The following CREB5 variants were observed in gnomAD, a reference collection of about 807,000 sequenced individuals.
CREB5 encodes cyclic AMP-responsive element-binding protein 5.
In CREB5, 19 loss-of-function variants were observed where a neutral mutation model predicts 57.1. The observed-to-expected ratio is 0.33, with a 90% CI of 0.23 to 0.49. CREB5 has a LOEUF of 0.49. Ranked by LOEUF, CREB5 falls within the 20% of genes least tolerant of loss-of-function variation. CREB5 has a pLI of 0.99. For missense variants in CREB5, 579 were observed against 671.6 expected (o/e 0.86, Z 1.52); for synonymous variants, 238 against 238.3 (o/e 1.00, Z 0.01).
chr7:28,321,654 A>G (rs995406753), intron 1 of CREB5, among the ~76,000 whole-genome samples: 4 of 152,192 alleles, frequency 2.6e-5, no homozygotes, highest in African/African-American at 9.6e-5. Flanking sequence ...GGGGCAGGAG[A>G]GGGTTGGCAG....
chr7:28,734,206 CAAAAAAAAAA>C (rs61403862), intron 7 of CREB5, among the ~76,000 whole-genome samples: 12 of 96,434 alleles, frequency 1.2e-4, no homozygotes, highest in East Asian at 8.2e-4. Flanking sequence ...TTCAGTAGTT[CAAAAAAAAAA>C]AAAAAAAAAA....
intron 5 of CREB5, among the ~76,000 whole-genome samples, chr7:28,647,372 T>A (rs548536430): frequency 6.6e-6 from 1 of 151,934 alleles, no homozygotes; most frequent in African/African-American, 2.4e-5. Context: ...TCAACAGAAA[T>A]TCCCCCCAAA....
rs73301120 is a variant in CREB5, at chr7:28,535,307, A to G, written c.291+27570A>G. On this transcript the variant is annotated intron_variant, in intron 4 of 10. Coordinates refer to ENST00000357727, the MANE Select transcript of CREB5 (RefSeq NM_182898.4). ...TGGTTAAACCAATTTCTTTAGGAAAAGTGAAAGGAGGGAGGGAGGGAGGGA... is the reference window on the plus strand; with the variant it reads ...TGGTTAAACCAATTTCTTTAGGAAAGGTGAAAGGAGGGAGGGAGGGAGGGA... Among the ~76,000 whole-genome samples, 1,087 of 127,838 alleles carry G rather than the reference A, an allele frequency of 8.5e-3. 115 individuals carry two copies. The highest frequency in any genetic ancestry group is 0.029 in the African/African-American group (1,055 of 35,850). 83.9% of individuals were successfully genotyped at this position (127,838 alleles called of 152,430 possible).
upstream of CREB5, among the ~76,000 whole-genome samples, chr7:28,411,849 G>A (rs905731684): frequency 5.3e-5 from 8 of 152,110 alleles, no homozygotes; most frequent in African/African-American, 1.9e-4. Flanking sequence ...GTCTGTGGCA[G>A]GATTTAGTAT....
intron 7 of CREB5, among the ~76,000 whole-genome samples, chr7:28,790,459 AGATAGAGAGAGAGAG>A: frequency 2.8e-5 from 1 of 35,560 alleles, no homozygotes; most frequent in Non-Finnish European, 6.6e-5. Flanking sequence ...AGAGAGAGAG[AGATAGAGAGAGAGAG>A]AAAGAAAGAA....
chr7:28,672,386 G>C (rs1005012536), intron 5 of CREB5, among the ~76,000 whole-genome samples: 19 of 152,078 alleles, frequency 1.2e-4, no homozygotes, highest in African/African-American at 4.6e-4. Flanking sequence ...ATTGTGGCTA[G>C]AGTCCCTATT....
chr7:28,562,318 A>G (rs1310278456), intron 4 of CREB5, among the ~76,000 whole-genome samples: 1 of 152,266 alleles, frequency 6.6e-6, no homozygotes, highest in Non-Finnish European at 1.5e-5. Context: ...ACTGTTTCTC[A>G]CAGTCAAGGG....
intron 5 of CREB5, among the ~76,000 whole-genome samples, chr7:28,694,408 A>G (rs1210420157): frequency 2.0e-5 from 3 of 151,920 alleles, no homozygotes; most frequent in Non-Finnish European, 4.4e-5. Context: ...AGTTCAGTAC[A>G]TGGCTGCTTT....
chr7:28,507,672 A>C lies in CREB5; in HGVS notation c.226A>C (p.Ser76Arg). ...LKNCEEVGLF[S>R]ELDCSLEHEF... ...GAACTGCGAGGAGGTGGGCCTCTTC[A>C]GCGAGCTGGACTGCTCCCTGGAGCA... The change falls in exon 4 of 11, where the codon AGC (serine) becomes CGC (arginine). Residue 76 changes from serine to arginine, a missense_variant. Physicochemically the swap from Ser to Arg is moderately radical, Grantham distance 110 (BLOSUM62 -1). This residue lies in a region of CREB5 where 459 missense variants were observed against 515.7 expected (regional missense o/e 0.89). Coordinates refer to ENST00000357727, the MANE Select transcript of CREB5 (RefSeq NM_182898.4). 1 of 1,612,952 alleles carries C rather than the reference A, an allele frequency of 6.2e-7. No homozygotes were observed. Among genetic ancestry groups the C allele is most frequent in the South Asian group, 1.1e-5 (1 of 90,966 alleles).
At chr7:28,354,328 C>A (rs573898186) in intron 1 of CREB5, among the ~76,000 whole-genome samples, 4 of 152,216 alleles carry the variant, frequency 2.6e-5, no homozygotes, top group African/African-American at 9.6e-5. Flanking sequence ...CAGCTGCCAG[C>A]GCAGCCAGGA....
chr7:28,733,483 G>A lies in CREB5; in HGVS notation c.702+9151G>A, dbSNP rs867417997. ...GCTTCTTGCTGCCTCTGGCTGCCCCGCCTAGACTTGCATACAATCCCTGTT... is the reference window on the plus strand; with the variant it reads ...GCTTCTTGCTGCCTCTGGCTGCCCCACCTAGACTTGCATACAATCCCTGTT... On this transcript the variant is annotated intron_variant, in intron 7 of 10. Transcript: ENST00000357727. 1.2e-4 allele frequency among the ~76,000 whole-genome samples: 19 copies of A among 152,222 alleles called. No homozygotes were observed. The Middle Eastern group carries it at 0.024, about 191-fold the overall frequency.
At chr7:28,414,240 T>C (rs1787933371) in intron 1 of CREB5, among the ~76,000 whole-genome samples, 1 of 151,836 alleles carries the variant, frequency 6.6e-6, no homozygotes, top group African/African-American at 2.4e-5. Context: ...CCCATCTATA[T>C]GCTTCTTTTG....
chr7:28,421,167 A>G (rs1318066310), intron 1 of CREB5, among the ~76,000 whole-genome samples: 1 of 152,054 alleles, frequency 6.6e-6, no homozygotes, highest in Non-Finnish European at 1.5e-5. Context: ...TGAGTCTCCA[A>G]TGTCCATTAT....
intron 7 of CREB5, among the ~76,000 whole-genome samples, chr7:28,757,087 G>A (rs141986038): frequency 1.3e-3 from 202 of 152,196 alleles, no homozygotes; most frequent in African/African-American, 4.5e-3. Context: ...TTTTTTTAGC[G>A]TACTGTTACA....
chr7:28,783,117 C>T (rs1807085188), intron 7 of CREB5, among the ~76,000 whole-genome samples: 1 of 152,162 alleles, frequency 6.6e-6, no homozygotes, highest in Admixed American at 6.5e-5. Context: ...CAGCAAAATA[C>T]ACCTCCAGAA....
At chr7:28,799,962 T>G (rs1808268681) in intron 7 of CREB5, among the ~76,000 whole-genome samples, 1 of 152,196 alleles carries the variant, frequency 6.6e-6, no homozygotes, top group African/African-American at 2.4e-5. Context: ...TTTAATTCAT[T>G]CATTCCTTCA....
intron 1 of CREB5, among the ~76,000 whole-genome samples, chr7:28,312,036 C>G (rs56926114): frequency 0.59 from 89,129 of 151,980 alleles, 28,994 homozygotes; most frequent in East Asian, 0.95. Context: ...GTTCTTCTAC[C>G]TCATGTAAAG....
At chr7:28,531,995 C>T (rs1232685308) in intron 4 of CREB5, among the ~76,000 whole-genome samples, 1 of 152,224 alleles carries the variant, frequency 6.6e-6, no homozygotes, top group Non-Finnish European at 1.5e-5. Context: ...TGCCACTGCA[C>T]TCCAGCCTGG....
chr7:28,461,638 T>C (rs908486461), intron 1 of CREB5, among the ~76,000 whole-genome samples: 1 of 152,194 alleles, frequency 6.6e-6, no homozygotes, highest in Non-Finnish European at 1.5e-5. Context: ...TAGGATTTTC[T>C]GTGACAACTC....
Sources: gnomAD v4.1 joint callset for allele counts (sites outside exome capture counted in the v4.1 genomes callset) on GRCh38, gnomAD v4.1.1 for gene constraint, gnomAD v4.1.1 regional missense constraint, MANE v1.5 for transcripts, NCBI Gene and HGNC (gene_info 2026-07-23, HGNC 2026-07-21) for gene names.